XRN1: variants seen among roughly 807,000 people sequenced by gnomAD.
The protein encoded by XRN1 is strand-exchange protein 1 homolog.
Under a neutral mutation model 222.3 loss-of-function variants are expected in XRN1, and 67 were observed. The ratio of observed to expected loss-of-function variants is 0.30; its 90% CI spans 0.25 to 0.37. The LOEUF is 0.37. Among genes scored for constraint, XRN1 ranks in the 10% least tolerant of loss-of-function variants. XRN1 has a pLI of 1.00. For missense variants in XRN1, 1,707 were observed against 2,000.2 expected (o/e 0.85, Z 2.80); for synonymous variants, 643 against 652.4 (o/e 0.99, Z 0.22).
intron 15 of XRN1, among the ~76,000 whole-genome samples, chr3:142,411,592 G>A (rs891147038): frequency 1.3e-5 from 2 of 151,860 alleles, no homozygotes; most frequent in South Asian, 2.1e-4. Context: ...ATTACAGCAT[G>A]TGTGCCACCA....
chr3:142,370,880 A>G (rs935437745), intron 26 of XRN1, among the ~76,000 whole-genome samples: 1 of 151,678 alleles, frequency 6.6e-6, no homozygotes. Flanking sequence ...GCAAAAAAAC[A>G]AAACAAAACA....
Position 142,311,373 on chromosome 3 carries a change from T to C in XRN1, c.*138A>G. Reference sequence around the variant, plus strand: ...TTTAAACAGCATGAAAAGTGCCTGATAACTTAAAAATGAAAAAAATTTCAA... The same window carrying C: ...TTTAAACAGCATGAAAAGTGCCTGACAACTTAAAAATGAAAAAAATTTCAA... On this transcript the variant is annotated 3_prime_UTR_variant, in exon 41 of 41. Transcript: ENST00000392981. 2.5e-6 allele frequency: 2 copies of C among 800,210 alleles called. No individual in the cohort carries two copies. The highest frequency in any genetic ancestry group is 3.7e-6 in the Non-Finnish European group (2 of 547,468). 49.6% of individuals were successfully genotyped at this position (800,210 alleles called of 1,614,324 possible).
At chr3:142,376,175 A>G in intron 24 of XRN1, 1 of 740,370 alleles carries the variant, frequency 1.4e-6, no homozygotes, top group Non-Finnish European at 2.0e-6. Flanking sequence ...TAAATAAATT[A>G]TGTAATTATA....
At chr3:142,410,747 G>A (rs2068543525) in intron 15 of XRN1, among the ~76,000 whole-genome samples, 1 of 152,048 alleles carries the variant, frequency 6.6e-6, no homozygotes, top group Non-Finnish European at 1.5e-5. Flanking sequence ...ACCCACCTCA[G>A]CCTCCCAAAG....
At position 142,323,402 on chromosome 3, in the gene XRN1, G is replaced by A. The variant is rs540564322; in HGVS notation, c.4405-4499C>T. Among the ~76,000 whole-genome samples, 7 of 151,404 alleles carry A rather than the reference G, an allele frequency of 4.6e-5. No homozygotes were observed. The South Asian group carries it at 1.0e-3, about 23-fold the overall frequency. ...TCACCACACTGGCCAGGCTGGTCTC[G>A]AACTCCTTACCTCAAGTGATCCGCC... On this transcript the variant is annotated intron_variant, in intron 37 of 40. Coordinates refer to ENST00000392981, the MANE Select transcript of XRN1 (RefSeq NM_001282857.2).
intron 20 of XRN1, among the ~76,000 whole-genome samples, chr3:142,396,840 T>C (rs935144080): frequency 8.5e-5 from 13 of 152,268 alleles, no homozygotes; most frequent in Admixed American, 7.8e-4. Context: ...CAAAACACTC[T>C]GGTGATCCTG....
intron 15 of XRN1, among the ~76,000 whole-genome samples, chr3:142,408,023 T>C (rs1348353105): frequency 1.3e-5 from 2 of 152,248 alleles, no homozygotes; most frequent in African/African-American, 4.8e-5. Flanking sequence ...TACCCTTCTG[T>C]TTCTTCAGGT....
intron 18 of XRN1, among the ~76,000 whole-genome samples, chr3:142,400,756 T>C (rs2068099196): frequency 6.6e-6 from 1 of 151,994 alleles, no homozygotes; most frequent in Non-Finnish European, 1.5e-5. Context: ...CCATCTCTAC[T>C]AAAATTACAA....
Position 142,401,984 on chromosome 3 carries a change from CCTCT to C in XRN1, c.2104-1441_2104-1438del, listed in dbSNP as rs377019861. 3.1e-3 allele frequency among the ~76,000 whole-genome samples: 477 copies of C among 152,218 alleles called. 1 individual carries two copies. The highest frequency in any genetic ancestry group is 9.4e-3 in the African/African-American group (391 of 41,520). ...TTAACTTTGGAATCACTCTTCCTAA[CCTCT>C]CTGTTTCTACTGGCTCCCTCTCCAC... On this transcript the variant is annotated intron_variant, in intron 18 of 40. Coordinates refer to ENST00000392981, the MANE Select transcript of XRN1 (RefSeq NM_001282857.2).
At chr3:142,442,979 C>T (rs552933565) in intron 1 of XRN1, among the ~76,000 whole-genome samples, 18 of 152,246 alleles carry the variant, frequency 1.2e-4, no homozygotes, top group African/African-American at 3.6e-4. Context: ...GTGATCCACC[C>T]GCCTCGGCCT....
chr3:142,433,218 T>G (rs1441481902), intron 1 of XRN1, among the ~76,000 whole-genome samples: 4 of 152,212 alleles, frequency 2.6e-5, no homozygotes, highest in Non-Finnish European at 4.4e-5. Context: ...CGTTCCTTCC[T>G]ACCATTTGAC....
At chr3:142,320,816 C>A (rs543550825) in intron 37 of XRN1, among the ~76,000 whole-genome samples, 6 of 152,006 alleles carry the variant, frequency 3.9e-5, no homozygotes, top group Non-Finnish European at 7.4e-5. Context: ...TCTTTTGATG[C>A]ACAAAATGTT....
chr3:142,443,172 A>G (rs958491849), intron 1 of XRN1, among the ~76,000 whole-genome samples: 1 of 152,176 alleles, frequency 6.6e-6, no homozygotes, highest in Non-Finnish European at 1.5e-5. Context: ...CCGGCCTGTT[A>G]GCCCATGCGC....
intron 15 of XRN1, among the ~76,000 whole-genome samples, chr3:142,408,785 G>A (rs985080083): frequency 6.6e-6 from 1 of 152,158 alleles, no homozygotes; most frequent in Non-Finnish European, 1.5e-5. Context: ...GATATGAAAA[G>A]TGCTTTTATC....
At position 142,421,004 on chromosome 3, in the gene XRN1, A is replaced by T. The variant is rs975803585; in HGVS notation, c.1173+12T>A. The T allele has an allele frequency of 6.2e-7, 1 of 1,613,476 alleles. No homozygotes were observed. Among genetic ancestry groups the T allele is most frequent in the African/African-American group, 1.3e-5 (1 of 75,008 alleles). On this transcript the variant is annotated intron_variant, in intron 10 of 40. Transcript: ENST00000392981. Reference sequence around the variant, plus strand: ...GTTAAAACAATGAAAGGACACCTAAAAAAATAGACACCTTTAACTTTTTCT... The same window carrying T: ...GTTAAAACAATGAAAGGACACCTAATAAAATAGACACCTTTAACTTTTTCT...
intron 16 of XRN1, among the ~76,000 whole-genome samples, chr3:142,404,568 A>C (rs993940512): frequency 2.0e-5 from 3 of 152,138 alleles, no homozygotes; most frequent in Non-Finnish European, 4.4e-5. Flanking sequence ...TAATGCTGGG[A>C]GCAGAAACAC....
chr3:142,412,503 T>A (rs1301091830), intron 15 of XRN1, 41 bp downstream of exon 15: 1 of 1,516,966 alleles, frequency 6.6e-7, no homozygotes, highest in Admixed American at 1.8e-5. Context: ...AGTCTCTGAT[T>A]AAGAATGTAT....
intron 33 of XRN1, among the ~76,000 whole-genome samples, chr3:142,336,915 T>C (rs2065866490): frequency 6.6e-6 from 1 of 152,122 alleles, no homozygotes. Flanking sequence ...GTATTTAACT[T>C]AAAGAGTAAA....
intron 30 of XRN1, 119 bp downstream of exon 30, chr3:142,359,740 CTAG>C: frequency 1.6e-6 from 1 of 633,284 alleles, no homozygotes; most frequent in African/African-American, 1.9e-5. Flanking sequence ...TGTTACATCC[CTAG>C]TAGCAAGTAC....
Sources: gnomAD v4.1 joint callset for allele counts (sites outside exome capture counted in the v4.1 genomes callset) on GRCh38, gnomAD v4.1.1 for gene constraint, MANE v1.5 for transcripts, NCBI Gene and HGNC (gene_info 2026-07-23, HGNC 2026-07-21) for gene names.